The following PXDNL variants were observed in gnomAD, a reference collection of about 807,000 sequenced individuals.
PXDNL encodes probable oxidoreductase PXDNL.
Under a neutral mutation model 150.8 loss-of-function variants are expected in PXDNL, and 145 were observed. That is an observed-to-expected ratio of 0.96 (90% CI 0.84 to 1.10). The LOEUF (loss-of-function observed/expected upper bound fraction) is 1.10, where lower values mean the gene tolerates loss of function less well. Ranked by LOEUF, PXDNL falls within the 50% of genes least tolerant of loss-of-function variation. PXDNL has a pLI of 0.00. For synonymous variants in PXDNL, 757 were observed against 725.7 expected (o/e 1.04, Z -0.69); for missense variants, 2,087 against 1,873.9 (o/e 1.11, Z -2.10).
At chr8:51,322,173 G>T (rs1236359244) in intron 21 of PXDNL, among the ~76,000 whole-genome samples, 2 of 152,088 alleles carry the variant, frequency 1.3e-5, no homozygotes, top group Non-Finnish European at 2.9e-5. Flanking sequence ...CCAGAACTGT[G>T]AAAAAACAAA....
chr8:51,416,566 T>G (rs993205092), intron 14 of PXDNL, among the ~76,000 whole-genome samples: 1 of 152,246 alleles, frequency 6.6e-6, no homozygotes, highest in South Asian at 2.1e-4. Flanking sequence ...GCAAAATTCT[T>G]TTAAAACTGC....
At chr8:51,788,028 A>G (rs1028152808) in intron 1 of PXDNL, among the ~76,000 whole-genome samples, 4 of 152,262 alleles carry the variant, frequency 2.6e-5, no homozygotes, top group African/African-American at 9.6e-5. Flanking sequence ...TGTTTTAGCA[A>G]TAAAGTGTTT....
At chr8:51,580,780 A>G (rs1813192552) in intron 3 of PXDNL, among the ~76,000 whole-genome samples, 1 of 152,182 alleles carries the variant, frequency 6.6e-6, no homozygotes, top group African/African-American at 2.4e-5. Flanking sequence ...TTGAAATCAG[A>G]GGGAGAGAAA....
intron 3 of PXDNL, among the ~76,000 whole-genome samples, chr8:51,577,983 GAAAGAAAGAAAGAAAGAGGAAGGAAGGA>G (rs1563471084): frequency 7.5e-4 from 61 of 81,560 alleles, no homozygotes; most frequent in African/African-American, 1.9e-3. Context: ...AAGAAAGAAA[GAAAGAAAGAAAGAAAGAGGAAGGAAGGA>G]AGGAAGGAAG....
intron 2 of PXDNL, among the ~76,000 whole-genome samples, chr8:51,607,029 T>C (rs35086364): frequency 0.084 from 12,727 of 152,230 alleles, 612 homozygotes; most frequent in South Asian, 0.095. Context: ...TCATGCAAAG[T>C]AAAACTTATG....
At chr8:51,521,536 TA>T (rs1198694609) in intron 4 of PXDNL, among the ~76,000 whole-genome samples, 1 of 152,014 alleles carries the variant, frequency 6.6e-6, no homozygotes, top group African/African-American at 2.4e-5. Context: ...TGTACCTAGT[TA>T]AAAACAGAAA....
intron 2 of PXDNL, among the ~76,000 whole-genome samples, chr8:51,651,292 A>G (rs1051622749): frequency 2.0e-5 from 3 of 152,196 alleles, no homozygotes; most frequent in Non-Finnish European, 4.4e-5. Flanking sequence ...GAGTGTGGGG[A>G]GACAGAGAAA....
chr8:51,600,032 C>A (rs542710848), intron 2 of PXDNL, among the ~76,000 whole-genome samples: 7 of 114,688 alleles, frequency 6.1e-5, no homozygotes, highest in Admixed American at 9.7e-5. Flanking sequence ...ATAAATTATA[C>A]CTTATATAAA....
At chr8:51,617,794 C>G (rs1016156932) in intron 2 of PXDNL, among the ~76,000 whole-genome samples, 1 of 152,142 alleles carries the variant, frequency 6.6e-6, no homozygotes, top group African/African-American at 2.4e-5. Flanking sequence ...TTAAGAGATG[C>G]CCAGCAGAGC....
chr8:51,560,039 A>T (rs551553649), intron 3 of PXDNL, among the ~76,000 whole-genome samples: 1 of 152,100 alleles, frequency 6.6e-6, no homozygotes, highest in South Asian at 2.1e-4. Flanking sequence ...AATCAAAAAG[A>T]TATTTCTCAA....
chr8:51,392,788 T>C (rs1807953589), intron 17 of PXDNL, among the ~76,000 whole-genome samples: 1 of 152,006 alleles, frequency 6.6e-6, no homozygotes, highest in African/African-American at 2.4e-5. Flanking sequence ...TGAATAGGAG[T>C]GGTGAGAGAG....
chr8:51,500,774 C>G (rs1811161623), intron 4 of PXDNL, among the ~76,000 whole-genome samples: 1 of 152,172 alleles, frequency 6.6e-6, no homozygotes, highest in African/African-American at 2.4e-5. Context: ...GTGAATAGTA[C>G]TTGATTTTGT....
intron 14 of PXDNL, among the ~76,000 whole-genome samples, chr8:51,418,962 G>A (rs1477747502): frequency 6.6e-6 from 1 of 152,168 alleles, no homozygotes; most frequent in Non-Finnish European, 1.5e-5. Context: ...AGACGAGGGA[G>A]GCTTTGAGTT....
chr8:51,721,776 T>C (rs1816735587), intron 1 of PXDNL: 2 of 390,526 alleles, frequency 5.1e-6, no homozygotes, highest in Admixed American at 2.8e-5. Context: ...CTTTTCCATC[T>C]ACAGATAGTT....
At chr8:51,328,261 C>T (rs1173007167) in intron 21 of PXDNL, among the ~76,000 whole-genome samples, 1 of 152,222 alleles carries the variant, frequency 6.6e-6, no homozygotes, top group Admixed American at 6.5e-5. Context: ...TTTTAATACA[C>T]ATATCAGATG....
chr8:51,578,098 AAGAAAAAG>A (rs1202695543), intron 3 of PXDNL, among the ~76,000 whole-genome samples: 6 of 142,672 alleles, frequency 4.2e-5, no homozygotes, highest in South Asian at 2.2e-4. Flanking sequence ...GAAAGAAAGA[AAGAAAAAG>A]AAAGAAAGAA....
chr8:51,410,153 CAAG>C (rs1808586380), intron 16 of PXDNL, among the ~76,000 whole-genome samples: 1 of 152,164 alleles, frequency 6.6e-6, no homozygotes, highest in South Asian at 2.1e-4. Context: ...TGATACTTGA[CAAG>C]GAGGGATTAA....
chr8:51,355,418 C>T (rs1001573698), intron 19 of PXDNL, among the ~76,000 whole-genome samples: 4 of 152,158 alleles, frequency 2.6e-5, no homozygotes, highest in African/African-American at 4.8e-5. Context: ...CTGGAAATTA[C>T]AAGACCACAT....
intron 2 of PXDNL, among the ~76,000 whole-genome samples, chr8:51,649,868 G>A (rs1337364347): frequency 1.3e-5 from 2 of 151,944 alleles, no homozygotes; most frequent in Non-Finnish European, 2.9e-5. Flanking sequence ...TTGGGAGGCC[G>A]AGGTGGGTGG....
Sources: gnomAD v4.1 joint callset for allele counts (sites outside exome capture counted in the v4.1 genomes callset) on GRCh38, gnomAD v4.1.1 for gene constraint, MANE v1.5 for transcripts, NCBI Gene and HGNC (gene_info 2026-07-23, HGNC 2026-07-21) for gene names.